Variants in LRMDA observed in about 807,000 individuals in gnomAD.
LRMDA encodes the protein leucine rich melanocyte differentiation associated.
In LRMDA, 18 loss-of-function variants were observed where a neutral mutation model predicts 29.8. The ratio of observed to expected loss-of-function variants is 0.60; its 90% CI spans 0.42 to 0.90. The LOEUF is 0.90. Ranked by LOEUF, LRMDA falls within the 40% of genes least tolerant of loss-of-function variation. The pLI, the probability that LRMDA is intolerant of heterozygous loss-of-function variation, is 0.00. For synonymous variants in LRMDA, 125 were observed against 109.4 expected, an observed-to-expected ratio of 1.14 and a Z score of -0.89; for missense variants, 273 against 273.9, an observed-to-expected ratio of 1.00 and a Z score of 0.02.
intron 5 of LRMDA, among the ~76,000 whole-genome samples, chr10:76,291,506 G>C (rs1840339834): frequency 6.6e-6 from 1 of 152,116 alleles, no homozygotes; most frequent in African/African-American, 2.4e-5. Context: ...GCATTTAAAT[G>C]CATTTCTGGA....
chr10:75,628,376 G>A (rs1841278894), intron 2 of LRMDA, among the ~76,000 whole-genome samples: 1 of 152,196 alleles, frequency 6.6e-6, no homozygotes, highest in Non-Finnish European at 1.5e-5. Flanking sequence ...AGGGTGGAAG[G>A]TGTAGAAAAG....
chr10:76,245,496 G>C (rs1185912486), intron 5 of LRMDA, among the ~76,000 whole-genome samples: 2 of 152,190 alleles, frequency 1.3e-5, no homozygotes, highest in African/African-American at 4.8e-5. Flanking sequence ...TCAATTCATT[G>C]ATGGTGAGAG....
chr10:76,336,513 G>A (rs1217414313), intron 6 of LRMDA, among the ~76,000 whole-genome samples: 1 of 152,138 alleles, frequency 6.6e-6, no homozygotes, highest in Admixed American at 6.5e-5. Flanking sequence ...CTGTCCTCAG[G>A]GATGCTAATG....
chr10:76,533,643 G>C (rs1843260192), intron 6 of LRMDA, among the ~76,000 whole-genome samples: 1 of 152,100 alleles, frequency 6.6e-6, no homozygotes, highest in Non-Finnish European at 1.5e-5. Flanking sequence ...AATAGACACT[G>C]TCTACTTTAC....
At chr10:76,128,726 A>T (rs1428671977) in intron 5 of LRMDA, among the ~76,000 whole-genome samples, 2 of 152,208 alleles carry the variant, frequency 1.3e-5, no homozygotes, top group African/African-American at 2.4e-5. Flanking sequence ...GTCCCTGGGC[A>T]TAGCATGCCC....
chr10:75,747,661 A>T (rs1050356930), intron 2 of LRMDA, among the ~76,000 whole-genome samples: 8 of 152,136 alleles, frequency 5.3e-5, no homozygotes, highest in Non-Finnish European at 1.2e-4. Flanking sequence ...TGATCTGTAA[A>T]TGATCAGATA....
chr10:76,373,007 G>A (rs1404188051), intron 6 of LRMDA, among the ~76,000 whole-genome samples: 4 of 152,184 alleles, frequency 2.6e-5, no homozygotes, highest in African/African-American at 4.8e-5. Flanking sequence ...AGCTCTTCAG[G>A]TGCTCATTGC....
Position 75,925,948 on chromosome 10 carries a change from A to G in LRMDA, c.132-110060A>G, listed in dbSNP as rs140034241. Among the ~76,000 whole-genome samples the G allele has an allele frequency of 3.6e-3, 548 of 152,266 alleles. 3 individuals are homozygous for G. Among genetic ancestry groups the G allele is most frequent in the African/African-American group, 0.012 (482 of 41,562 alleles). ...ACCAGGCAGTATTCATTTAGCTCCC[A>G]TAACAACTCTAGGGATAGGTTCTAT... On this transcript the variant is annotated intron_variant, in intron 2 of 6. Transcript: ENST00000611255.
intron 2 of LRMDA, among the ~76,000 whole-genome samples, chr10:75,837,143 G>A (rs2132296992): frequency 6.6e-6 from 1 of 152,310 alleles, no homozygotes; most frequent in Admixed American, 6.5e-5. Context: ...GAGTGTTGAT[G>A]TAAGAGATGT....
chr10:76,141,175 A>G (rs1850192519), intron 5 of LRMDA, among the ~76,000 whole-genome samples: 2 of 152,068 alleles, frequency 1.3e-5, no homozygotes, highest in African/African-American at 4.8e-5. Flanking sequence ...GGAGGGAAAA[A>G]TTCTCTTTGC....
rs1564630440 is a variant in LRMDA at position 76,014,124 on chromosome 10, A to AT, written c.132-21884_132-21883insT. On this transcript the variant is annotated intron_variant, in intron 2 of 6. Coordinates refer to ENST00000611255, the MANE Select transcript of LRMDA (RefSeq NM_001305581.2). ...AAAAAAAGTATATATATATATATAT[A>AT]ATTATATATATATATATATAATTAT... is the stretch of plus-strand genomic sequence containing the variant. 2.3e-3 allele frequency among the ~76,000 whole-genome samples: 299 copies of AT among 130,472 alleles called. 1 individual carries two copies. Among genetic ancestry groups the AT allele is most frequent in the African/African-American group, 8.2e-3 (278 of 33,982 alleles). The allele number at this position is 130,472 out of a possible 152,430, so 85.6% of individuals were successfully genotyped here.
intron 6 of LRMDA, among the ~76,000 whole-genome samples, chr10:76,429,168 A>C (rs1050889298): frequency 6.6e-6 from 1 of 152,196 alleles, no homozygotes; most frequent in South Asian, 2.1e-4. Flanking sequence ...GAATTAACAA[A>C]AAAAAAAAAG....
At chr10:76,292,989 G>A (rs1840367866) in intron 5 of LRMDA, among the ~76,000 whole-genome samples, 2 of 152,118 alleles carry the variant, frequency 1.3e-5, no homozygotes, top group African/African-American at 4.8e-5. Flanking sequence ...ATTTATTTAT[G>A]ATGGATTCTT....
chr10:76,473,291 T>C (rs936294555), intron 6 of LRMDA, among the ~76,000 whole-genome samples: 1 of 150,690 alleles, frequency 6.6e-6, no homozygotes, highest in African/African-American at 2.4e-5. Context: ...AAAAAAAAAG[T>C]ATTTGACAAA....
chr10:76,315,546 T>A (rs1156244148), intron 5 of LRMDA, among the ~76,000 whole-genome samples: 2 of 152,168 alleles, frequency 1.3e-5, no homozygotes, highest in Admixed American at 6.5e-5. Flanking sequence ...AGGGCAGCAC[T>A]CACACGCTAG....
At chr10:75,817,946 A>G (rs1418227172) in intron 2 of LRMDA, among the ~76,000 whole-genome samples, 1 of 152,186 alleles carries the variant, frequency 6.6e-6, no homozygotes, top group Non-Finnish European at 1.5e-5. Flanking sequence ...GACTCTTTCC[A>G]TCTTTTTTCT....
chr10:75,693,804 C>T (rs933711975), intron 2 of LRMDA, among the ~76,000 whole-genome samples: 1 of 152,078 alleles, frequency 6.6e-6, no homozygotes, highest in African/African-American at 2.4e-5. Context: ...CTGCCTAGCT[C>T]TGGCAAGGAT....
At chr10:75,927,026 A>C (rs1345166382) in intron 2 of LRMDA, among the ~76,000 whole-genome samples, 1 of 152,218 alleles carries the variant, frequency 6.6e-6, no homozygotes, top group Non-Finnish European at 1.5e-5. Context: ...CAATACTGCC[A>C]GTCTCAAGTT....
In LRMDA at chr10:76,543,783, CT is replaced by C. The variant is rs201543143; in HGVS notation, c.602-13425del. ...CCATGCTTATTACTCATGGAACATT[CT>C]GGCTTATTTTGCCCTCTTCTTTCCT... On this transcript the variant is annotated intron_variant, in intron 6 of 6. Coordinates refer to ENST00000611255, the MANE Select transcript of LRMDA (RefSeq NM_001305581.2). Among the ~76,000 whole-genome samples the C allele has an allele frequency of 5.0e-3, 769 of 152,314 alleles. 2 individuals carry two copies. The highest frequency in any genetic ancestry group is 0.017 in the African/African-American group (726 of 41,562).
Sources: allele counts gnomAD v4.1 joint callset (sites outside exome capture counted in the v4.1 genomes callset), GRCh38; gene constraint gnomAD v4.1.1; transcripts MANE v1.5; gene names NCBI Gene and HGNC (gene_info 2026-07-23, HGNC 2026-07-21).